The following ASTN2 variants were observed in gnomAD, a reference collection of about 807,000 sequenced individuals.
The protein encoded by ASTN2 is astrotactin-2.
ASTN2 carries 54 observed loss-of-function variants against 139.8 expected under a neutral mutation model. The observed-to-expected ratio is 0.39, with a 90% confidence interval of 0.31 to 0.48. The LOEUF (loss-of-function observed/expected upper bound fraction) is 0.48. ASTN2 is among the 20% of genes least tolerant of loss of function. ASTN2 has a pLI of 0.95. For synonymous variants in ASTN2, 756 were observed against 719.5 expected, an observed-to-expected ratio of 1.05 and a Z score of -0.81; for missense variants, 1,565 against 1,725.1, an observed-to-expected ratio of 0.91 and a Z score of 1.64.
At chr9:117,155,886 A>T (rs945550532) in intron 3 of ASTN2, among the ~76,000 whole-genome samples, 1 of 152,028 alleles carries the variant, frequency 6.6e-6, no homozygotes, top group Non-Finnish European at 1.5e-5. Flanking sequence ...CAGTAAGGTG[A>T]CCACTAAAGT....
intron 7 of ASTN2, among the ~76,000 whole-genome samples, chr9:116,992,929 T>C (rs978679866): frequency 1.3e-5 from 2 of 152,166 alleles, no homozygotes; most frequent in African/African-American, 4.8e-5. Flanking sequence ...TGCCTTGGCT[T>C]TTCCCACCCT....
rs894975215 is a variant in ASTN2, at chr9:116,425,954, G to C, written c.3917C>G (p.Ala1306Gly). 1 of 1,614,150 alleles carries C rather than the reference G, an allele frequency of 6.2e-7. No homozygotes were observed. Among genetic ancestry groups the C allele is most frequent in the African/African-American group, 1.3e-5 (1 of 75,042 alleles). ...LFCRSEEVRP[A>G]GMVWYSILKD... Reference sequence around the variant, plus strand: ...GAGGATGCTATACCACACCATGCCTGCAGGCCGGACCTCCTCGCTGCGGCA... The same window carrying C: ...GAGGATGCTATACCACACCATGCCTCCAGGCCGGACCTCCTCGCTGCGGCA... Residue 1306 changes from alanine to glycine, a missense_variant, in exon 23 of 23, where the codon GCA becomes GGA. Physicochemically the swap from Ala to Gly is moderately conservative, Grantham distance 60. Around this residue, in one of 4 missense-constraint regions of ASTN2, gnomAD observed 418 missense variants for 465.8 expected, o/e 0.90. Transcript: ENST00000313400.
At position 116,577,944 on chromosome 9, in the gene ASTN2, G is replaced by T. The variant is rs368208383; in HGVS notation, c.3355+40380C>A. ...GGTGGGCAGGGCAGAGCCAGGGGATGGGAGAGGAGATCATTGGGGGATGCA... is the reference window on the plus strand; with the variant it reads ...GGTGGGCAGGGCAGAGCCAGGGGATTGGAGAGGAGATCATTGGGGGATGCA... On this transcript the variant is annotated intron_variant, in intron 19 of 22. Coordinates refer to ENST00000313400, the MANE Select transcript of ASTN2 (RefSeq NM_001365068.1). Among the ~76,000 whole-genome samples, 6 of 152,266 alleles carry T rather than the reference G, an allele frequency of 3.9e-5. No individual in the cohort carries two copies. In the East Asian group the frequency reaches 9.7e-4, roughly 25 times the overall value.
At chr9:117,141,173 G>T (rs1830065623) in intron 4 of ASTN2, among the ~76,000 whole-genome samples, 153 bp downstream of exon 4, 1 of 152,140 alleles carries the variant, frequency 6.6e-6, no homozygotes, top group Non-Finnish European at 1.5e-5. Flanking sequence ...GGGAGCATAG[G>T]TCTGCAGCCT....
At chr9:117,139,362 G>A (rs4614069) in intron 4 of ASTN2, among the ~76,000 whole-genome samples, 9,498 of 152,236 alleles carry the variant, frequency 0.062, 555 homozygotes, top group African/African-American at 0.15. Context: ...AGTTCAGGGA[G>A]AACCAATGAT....
intron 5 of ASTN2, among the ~76,000 whole-genome samples, chr9:117,070,119 T>C (rs1308335214): frequency 7.0e-6 from 1 of 142,100 alleles, no homozygotes. Context: ...GGTCTTTACA[T>C]TTTGGCATGA....
intron 13 of ASTN2, among the ~76,000 whole-genome samples, chr9:116,747,925 A>C (rs778114982): frequency 1.1e-4 from 16 of 152,146 alleles, no homozygotes; most frequent in Non-Finnish European, 1.8e-4. Flanking sequence ...CTAGAGGAAC[A>C]TTATCTTCTC....
intron 1 of ASTN2, among the ~76,000 whole-genome samples, chr9:117,330,653 G>C (rs1455415207): frequency 6.6e-6 from 1 of 152,158 alleles, no homozygotes; most frequent in Non-Finnish European, 1.5e-5. Flanking sequence ...TGTGGAGAGA[G>C]AGAATGTAGC....
intron 1 of ASTN2, among the ~76,000 whole-genome samples, chr9:117,319,157 T>G (rs976025644): frequency 1.3e-5 from 2 of 152,192 alleles, no homozygotes; most frequent in Admixed American, 6.5e-5. Flanking sequence ...TTTTATTAAA[T>G]ATGTAGTGAG....
At chr9:117,277,993 C>T (rs1834234931) in intron 2 of ASTN2, among the ~76,000 whole-genome samples, 1 of 152,194 alleles carries the variant, frequency 6.6e-6, no homozygotes, top group Non-Finnish European at 1.5e-5. Flanking sequence ...TCCAACCTCA[C>T]ATTTTGTTTA....
In ASTN2 at chr9:116,821,365, G is replaced by T. The variant is rs145595242; in HGVS notation, c.2041-582C>A. On this transcript the variant is annotated intron_variant, in intron 11 of 22. Coordinates refer to ENST00000313400, the MANE Select transcript of ASTN2 (RefSeq NM_001365068.1). Reference sequence around the variant, plus strand: ...GTGAAGCTTAAGTTGGATCATGGGGGTGCATACCTTACTTCGGAATTTGGC... The same window carrying T: ...GTGAAGCTTAAGTTGGATCATGGGGTTGCATACCTTACTTCGGAATTTGGC... 2.6e-4 allele frequency among the ~76,000 whole-genome samples: 40 copies of T among 152,236 alleles called. 1 individual carries two copies. The highest frequency in any genetic ancestry group is 8.9e-4 in the African/African-American group (37 of 41,522).
At chr9:117,307,406 A>T (rs1835029475) in intron 1 of ASTN2, among the ~76,000 whole-genome samples, 1 of 152,208 alleles carries the variant, frequency 6.6e-6, no homozygotes, top group Non-Finnish European at 1.5e-5. Flanking sequence ...TAACACTGAC[A>T]TCATGAGTAT....
chr9:117,037,116 C>A (rs1427937120), intron 6 of ASTN2, among the ~76,000 whole-genome samples: 3 of 152,052 alleles, frequency 2.0e-5, no homozygotes, highest in African/African-American at 7.2e-5. Context: ...AGGCACTGTG[C>A]TTATCAATGG....
intron 1 of ASTN2, among the ~76,000 whole-genome samples, chr9:117,388,952 C>T (rs150359429): frequency 0.011 from 1,625 of 152,270 alleles, 23 homozygotes; most frequent in South Asian, 0.08. Flanking sequence ...GAAACAAGTA[C>T]AGATATTATG....
intron 1 of ASTN2, among the ~76,000 whole-genome samples, chr9:117,371,028 T>C (rs949458733): frequency 6.6e-6 from 1 of 151,868 alleles, no homozygotes; most frequent in Non-Finnish European, 1.5e-5. Flanking sequence ...CCTTATCAAA[T>C]ACCCCCAACA....
intron 20 of ASTN2, among the ~76,000 whole-genome samples, chr9:116,465,376 G>A (rs1381261237): frequency 6.6e-6 from 1 of 152,166 alleles, no homozygotes; most frequent in Non-Finnish European, 1.5e-5. Flanking sequence ...GGCTGGCTGG[G>A]TACGGTTGGG....
rs898322448 is a variant in ASTN2, at chr9:116,423,176, G to T, written c.*2675C>A. On this transcript the variant is annotated 3_prime_UTR_variant, in exon 23 of 23. Transcript: ENST00000313400. ...GGTCTTTCCCAACCAGATTTTCCTG[G>T]ATGTCTGCCCAAGACTCACAGTATT... Among the ~76,000 whole-genome samples, 10 of 152,038 alleles carry T rather than the reference G, an allele frequency of 6.6e-5. No homozygotes were observed. The highest frequency in any genetic ancestry group is 2.2e-4 in the African/African-American group (9 of 41,498).
At chr9:116,510,454 T>A (rs1340251976) in intron 19 of ASTN2, among the ~76,000 whole-genome samples, 1 of 152,128 alleles carries the variant, frequency 6.6e-6, no homozygotes, top group Non-Finnish European at 1.5e-5. Context: ...CCAGCTTTGT[T>A]TTTTTGCTTA....
intron 13 of ASTN2, among the ~76,000 whole-genome samples, chr9:116,758,868 G>C (rs1284341746): frequency 1.3e-5 from 2 of 152,016 alleles, no homozygotes; most frequent in Non-Finnish European, 2.9e-5. Flanking sequence ...ACACATGTTG[G>C]ATAAATAAGC....
Sources: gnomAD v4.1 joint callset for allele counts (sites outside exome capture counted in the v4.1 genomes callset) on GRCh38, gnomAD v4.1.1 for gene constraint, gnomAD v4.1.1 regional missense constraint, MANE v1.5 for transcripts, NCBI Gene and HGNC (gene_info 2026-07-23, HGNC 2026-07-21) for gene names.